The following DRC4 variants were observed in gnomAD, a reference collection of about 807,000 sequenced individuals.
DRC4 encodes dynein regulatory complex subunit 4.
At chr16:90,039,879 A>T in the DRC4 span, 6 of 260,354 alleles carry the variant, frequency 2.3e-5, no homozygotes, top group Non-Finnish European at 4.6e-5. Context: ...GGGGCTGGCC[A>T]AGGGAGCATA....
chr16:90,026,329 T>G, the DRC4 span, among the ~76,000 whole-genome samples: 1 of 152,108 alleles, frequency 6.6e-6, no homozygotes, highest in African/African-American at 2.4e-5. Context: ...CCCATCCTTG[T>G]CAAAGTTGCT....
chr16:90,036,486 T>A, the DRC4 span: 1 of 1,614,150 alleles, frequency 6.2e-7, no homozygotes, highest in Non-Finnish European at 8.5e-7. Flanking sequence ...AATGGCCAGA[T>A]CCACACGCTG....
the DRC4 span, chr16:90,035,682 T>A: frequency 1.2e-6 from 2 of 1,614,144 alleles, no homozygotes; most frequent in Non-Finnish European, 1.7e-6. Flanking sequence ...GAGAGGCAAG[T>A]TCGAGGTCAG....
At chr16:90,043,298 C>T in the DRC4 span, 2 of 1,613,098 alleles carry the variant, frequency 1.2e-6, no homozygotes, top group Non-Finnish European at 8.5e-7. Flanking sequence ...TGTGATCGGA[C>T]AGACACTGGG....
At chr16:90,027,252 A>AT in the DRC4 span, among the ~76,000 whole-genome samples, 5 of 149,902 alleles carry the variant, frequency 3.3e-5, no homozygotes, top group East Asian at 3.9e-4. Context: ...CGCCCGGCTA[A>AT]TTTTTTTTTG....
At chr16:90,033,647 CAG>C in the DRC4 span, among the ~76,000 whole-genome samples, 1 of 152,232 alleles carries the variant, frequency 6.6e-6, no homozygotes, top group East Asian at 1.9e-4. Context: ...GCCTAGGTGA[CAG>C]AGTGAGACAA....
chr16:90,029,779 C>T, the DRC4 span: 16 of 180,818 alleles, frequency 8.8e-5, no homozygotes, highest in Admixed American at 1.7e-4. Flanking sequence ...CTGATTCTGA[C>T]GGAATCTCGC....
the DRC4 span, chr16:90,019,654 C>G: frequency 2.3e-6 from 1 of 440,300 alleles, no homozygotes; most frequent in Non-Finnish European, 4.0e-6. This position sits in a 1 kb window ranked among gnomAD's most constrained non-coding sequence, Gnocchi z 6.1. Context: ...GGCCGCGCCC[C>G]GCCGCGGACA....
the DRC4 span, chr16:90,027,624 T>C: frequency 6.2e-7 from 1 of 1,613,950 alleles, no homozygotes; most frequent in Non-Finnish European, 8.5e-7. Flanking sequence ...TACCCCATTA[T>C]TTCCACCAAA....
the DRC4 span, chr16:90,043,468 A>G: frequency 4.0e-6 from 4 of 992,098 alleles, no homozygotes; most frequent in Admixed American, 2.7e-5. Flanking sequence ...AGCTTTTCAC[A>G]TGTTCTTGCC....
chr16:90,027,746 A>C, the DRC4 span: 1 of 1,598,724 alleles, frequency 6.3e-7, no homozygotes, highest in Non-Finnish European at 8.6e-7. Flanking sequence ...GCTGTGGCCC[A>C]GTCCCCGGGT....
At chr16:90,022,870 G>T in the DRC4 span, 7 of 808,576 alleles carry the variant, frequency 8.7e-6, no homozygotes, top group Non-Finnish European at 1.2e-5. Flanking sequence ...TCTTGTGGGG[G>T]TCTCCGTGGG....
the DRC4 span, chr16:90,020,022 C>T: frequency 1.4e-6 from 1 of 697,096 alleles, no homozygotes; most frequent in Non-Finnish European, 2.6e-6. Context: ...ATGAAACTGA[C>T]CCCCATGTCC....
the DRC4 span, among the ~76,000 whole-genome samples, chr16:90,026,993 G>T: frequency 6.6e-6 from 1 of 151,294 alleles, no homozygotes; most frequent in African/African-American, 2.4e-5. Flanking sequence ...GCTCACTGCA[G>T]CCTCTGCCTC....
chr16:90,030,712 G>A, the DRC4 span, among the ~76,000 whole-genome samples: 1 of 152,040 alleles, frequency 6.6e-6, no homozygotes, highest in Admixed American at 6.6e-5. Flanking sequence ...AACCCCCTGA[G>A]CTTGAGTGAC....
At chr16:90,022,681 C>A in the DRC4 span, 9 of 1,421,694 alleles carry the variant, frequency 6.3e-6, no homozygotes, top group Admixed American at 7.5e-5. Context: ...GGGGCGGGCG[C>A]CCTGGTCCCG....
the DRC4 span, among the ~76,000 whole-genome samples, chr16:90,038,126 G>A: frequency 0.028 from 4,212 of 152,322 alleles, 209 homozygotes; most frequent in African/African-American, 0.097. Flanking sequence ...TCTGCAGAAG[G>A]CCTGGGGTCT....
the DRC4 span, chr16:90,044,928 T>G: frequency 1.5e-5 from 3 of 203,920 alleles, no homozygotes; most frequent in Non-Finnish European, 3.0e-5. Context: ...TAAGTATATT[T>G]GTTTAAAAAC....
chr16:90,031,422 GAGA>G, the DRC4 span: 70 of 1,612,960 alleles, frequency 4.3e-5, no homozygotes, highest in Admixed American at 1.8e-4. Flanking sequence ...GCAGCTGGAG[GAGA>G]AGAAGGCTGA....
Sources: allele counts gnomAD v4.1 joint callset (sites outside exome capture counted in the v4.1 genomes callset), GRCh38; gene constraint gnomAD v4.1.1; non-coding constraint Gnocchi (gnomAD v3.1); transcripts MANE v1.5; gene names NCBI Gene and HGNC (gene_info 2026-07-23, HGNC 2026-07-21).